The following SLC24A2 variants were observed in gnomAD, a reference collection of about 807,000 sequenced individuals.
SLC24A2 encodes solute carrier family 24 member 2.
In SLC24A2, 36 loss-of-function variants were observed where a neutral mutation model predicts 62.0. That is an observed-to-expected ratio of 0.58 (90% CI 0.44 to 0.77). The LOEUF (loss-of-function observed/expected upper bound fraction) is 0.77. Ranked by LOEUF, SLC24A2 falls within the 30% of genes least tolerant of loss-of-function variation. The probability of loss-of-function intolerance (pLI) is 0.00; values close to 1 mark genes in which losing one functional copy is unlikely to be tolerated. For synonymous variants in SLC24A2, 358 were observed against 294.0 expected (o/e 1.22, Z -2.23); for missense variants, 846 against 817.9 (o/e 1.03, Z -0.42).
intron 2 of SLC24A2, among the ~76,000 whole-genome samples, chr9:19,776,797 C>T (rs534023406): frequency 6.6e-6 from 1 of 152,312 alleles, no homozygotes; most frequent in Non-Finnish European, 1.5e-5. Flanking sequence ...TAGATTGCTG[C>T]TTTGGCCTGG....
the SLC24A2 span, among the ~76,000 whole-genome samples, chr9:19,999,126 T>C: frequency 3.4e-3 from 517 of 152,364 alleles, 5 homozygotes; most frequent in African/African-American, 0.011. Flanking sequence ...ACTGGGGCTA[T>C]TGGGAGAATT....
the SLC24A2 span, among the ~76,000 whole-genome samples, chr9:20,202,379 T>C: frequency 6.6e-6 from 1 of 152,214 alleles, no homozygotes; most frequent in Non-Finnish European, 1.5e-5. Context: ...TGGAGCTTCC[T>C]CTTTGAAGCC....
chr9:19,810,581 T>G, the SLC24A2 span, among the ~76,000 whole-genome samples: 1 of 152,176 alleles, frequency 6.6e-6, no homozygotes, highest in Non-Finnish European at 1.5e-5. Flanking sequence ...AGAGGGTACA[T>G]CTATGTGTTC....
chr9:20,268,037 TCTG>T, the SLC24A2 span, among the ~76,000 whole-genome samples: 1 of 152,298 alleles, frequency 6.6e-6, no homozygotes, highest in Admixed American at 6.5e-5. Context: ...AGCCACGTTA[TCTG>T]CTATTTAGCT....
intron 5 of SLC24A2, among the ~76,000 whole-genome samples, chr9:19,582,405 C>A (rs1056509125): frequency 3.3e-5 from 5 of 152,146 alleles, no homozygotes; most frequent in African/African-American, 4.8e-5. Context: ...TAACTTCCAG[C>A]TGCTACAGAA....
At chr9:20,035,343 T>G in the SLC24A2 span, among the ~76,000 whole-genome samples, 2 of 152,204 alleles carry the variant, frequency 1.3e-5, no homozygotes, top group African/African-American at 4.8e-5. Flanking sequence ...TTAGCTATCA[T>G]TACCAGGATT....
the SLC24A2 span, among the ~76,000 whole-genome samples, chr9:19,870,338 A>G: frequency 1.3e-5 from 2 of 152,198 alleles, no homozygotes; most frequent in South Asian, 4.1e-4. Context: ...ATGTTATAGC[A>G]TGTAACCACA....
intron 2 of SLC24A2, among the ~76,000 whole-genome samples, chr9:19,636,440 T>C (rs895787605): frequency 2.0e-5 from 3 of 147,698 alleles, no homozygotes; most frequent in Non-Finnish European, 3.0e-5. Flanking sequence ...CTCTTCTCTT[T>C]TCTTTTTTGG....
At chr9:19,851,004 C>CAT in the SLC24A2 span, among the ~76,000 whole-genome samples, 2 of 29,608 alleles carry the variant, frequency 6.8e-5, no homozygotes, top group African/African-American at 2.4e-4. Flanking sequence ...TATATATACA[C>CAT]ATACATATAT....
the SLC24A2 span, among the ~76,000 whole-genome samples, chr9:19,823,503 C>T: frequency 1.3e-5 from 2 of 152,160 alleles, no homozygotes; most frequent in Non-Finnish European, 2.9e-5. Flanking sequence ...GTGGTGCATG[C>T]CTGTAATCCC....
the SLC24A2 span, among the ~76,000 whole-genome samples, chr9:20,270,531 G>A: frequency 1.3e-5 from 2 of 152,132 alleles, no homozygotes; most frequent in Non-Finnish European, 2.9e-5. Context: ...GCCTTTAGCT[G>A]TTTCTTGGTT....
intron 2 of SLC24A2, among the ~76,000 whole-genome samples, chr9:19,634,046 T>C (rs767652927): frequency 1.3e-5 from 2 of 152,166 alleles, no homozygotes; most frequent in Non-Finnish European, 2.9e-5. Flanking sequence ...TTTTCTATTT[T>C]TTTCCTAGAT....
At chr9:19,547,666 C>T (rs554578700) in intron 8 of SLC24A2, among the ~76,000 whole-genome samples, 1 of 151,660 alleles carries the variant, frequency 6.6e-6, no homozygotes, top group Admixed American at 6.5e-5. Flanking sequence ...CTGAGTGCCT[C>T]AATGGTTGTA....
the SLC24A2 span, among the ~76,000 whole-genome samples, chr9:20,039,360 G>C: frequency 6.6e-6 from 1 of 152,138 alleles, no homozygotes; most frequent in Non-Finnish European, 1.5e-5. Context: ...ATGCCAACTG[G>C]GATGCGGCAG....
At chr9:19,600,853 T>C (rs537016147) in intron 4 of SLC24A2, among the ~76,000 whole-genome samples, 2 of 152,224 alleles carry the variant, frequency 1.3e-5, no homozygotes, top group African/African-American at 4.8e-5. Flanking sequence ...GGGGAGAGCG[T>C]AGGATTGAAT....
At chr9:20,132,283 G>A in the SLC24A2 span, among the ~76,000 whole-genome samples, 1 of 152,096 alleles carries the variant, frequency 6.6e-6, no homozygotes, top group Non-Finnish European at 1.5e-5. Context: ...CCGAGAATTA[G>A]AGAAAAGTTT....
the SLC24A2 span, among the ~76,000 whole-genome samples, chr9:20,168,195 A>C: frequency 1.3e-5 from 2 of 152,178 alleles, no homozygotes; most frequent in East Asian, 3.9e-4. Flanking sequence ...ATTGAAAGAG[A>C]AAGATTAAAC....
At chr9:20,001,049 G>T in the SLC24A2 span, among the ~76,000 whole-genome samples, 3 of 152,124 alleles carry the variant, frequency 2.0e-5, no homozygotes, top group Non-Finnish European at 4.4e-5. Flanking sequence ...GCTCTAATGG[G>T]CCCACCCTCA....
the SLC24A2 span, among the ~76,000 whole-genome samples, chr9:20,105,566 A>T: frequency 6.6e-6 from 1 of 152,100 alleles, no homozygotes; most frequent in Non-Finnish European, 1.5e-5. Flanking sequence ...ACTCAACTAC[A>T]TGGAAACTGA....
Sources: allele counts gnomAD v4.1 joint callset (sites outside exome capture counted in the v4.1 genomes callset), GRCh38; gene constraint gnomAD v4.1.1; transcripts MANE v1.5; gene names NCBI Gene and HGNC (gene_info 2026-07-23, HGNC 2026-07-21).